SLC1A1: variants seen among roughly 807,000 people sequenced by gnomAD.
SLC1A1 encodes the protein excitatory amino acid transporter 3.
In SLC1A1, 43 loss-of-function variants were observed where a neutral mutation model predicts 53.3. That is an observed-to-expected ratio of 0.81 (90% confidence interval 0.63 to 1.04). The LOEUF is 1.04. SLC1A1 is among the 50% of genes least tolerant of loss of function. The pLI is 0.00. For synonymous variants in SLC1A1, 307 were observed against 243.2 expected (o/e 1.26, Z -2.44); for missense variants, 748 against 664.9 (o/e 1.12, Z -1.37).
intron 1 of SLC1A1, among the ~76,000 whole-genome samples, chr9:4,512,795 C>G (rs1821041545): frequency 6.6e-6 from 1 of 151,908 alleles, no homozygotes; most frequent in East Asian, 1.9e-4. Context: ...GACAGGGTCT[C>G]ACTCTGTCTC....
chr9:4,584,285 T>C (rs747377008), intron 11 of SLC1A1, among the ~76,000 whole-genome samples: 2 of 152,270 alleles, frequency 1.3e-5, no homozygotes, highest in Admixed American at 6.5e-5. Context: ...AGTAGCTAAC[T>C]GGGCTATAGG....
chr9:4,526,911 T>C (rs533402711), intron 1 of SLC1A1, among the ~76,000 whole-genome samples: 1 of 152,098 alleles, frequency 6.6e-6, no homozygotes, highest in Non-Finnish European at 1.5e-5. Flanking sequence ...CATTCATAAT[T>C]AGATTACATT....
chr9:4,523,370 G>A (rs1816152770), intron 1 of SLC1A1, among the ~76,000 whole-genome samples: 1 of 149,922 alleles, frequency 6.7e-6, no homozygotes, highest in South Asian at 2.1e-4. Flanking sequence ...TTTTCCACAT[G>A]CCATTTGTTC....
intron 1 of SLC1A1, among the ~76,000 whole-genome samples, chr9:4,494,388 G>A (rs1820341308): frequency 1.3e-5 from 2 of 152,026 alleles, no homozygotes; most frequent in South Asian, 2.1e-4. Flanking sequence ...TTATTTTAAG[G>A]TAAATCTGAA....
intron 1 of SLC1A1, among the ~76,000 whole-genome samples, chr9:4,534,558 A>T (rs1276663978): frequency 6.6e-6 from 1 of 152,164 alleles, no homozygotes; most frequent in Non-Finnish European, 1.5e-5. Context: ...TCTGAAATTG[A>T]GGCAATAATT....
intron 1 of SLC1A1, among the ~76,000 whole-genome samples, chr9:4,527,262 C>T (rs7849913): frequency 0.47 from 71,253 of 151,918 alleles, 17,204 homozygotes; most frequent in Non-Finnish European, 0.51. Context: ...TGACACCTTA[C>T]TGAAGCCTTG....
chr9:4,491,295 G>A (rs1312161493), intron 1 of SLC1A1, among the ~76,000 whole-genome samples: 10 of 152,170 alleles, frequency 6.6e-5, no homozygotes, highest in African/African-American at 2.4e-4. Flanking sequence ...CTCATCCTGG[G>A]CAGTGCGTGG....
rs796078212 is a variant in SLC1A1 at position 4,579,878 on chromosome 9, G to A, written c.1193+3115G>A. Among the ~76,000 whole-genome samples, 6 of 152,100 alleles carry A rather than the reference G, an allele frequency of 3.9e-5. 1 individual carries two copies. The highest frequency in any genetic ancestry group is 1.4e-4 in the African/African-American group (6 of 41,488). ...CAAAGGTTACAACGGATTGAAAATTGTGTGAGAATATGTGTCAAAATGGAA... is the reference window on the plus strand; with the variant it reads ...CAAAGGTTACAACGGATTGAAAATTATGTGAGAATATGTGTCAAAATGGAA... On this transcript the variant is annotated intron_variant, in intron 10 of 11. Transcript: ENST00000262352.
intron 1 of SLC1A1, among the ~76,000 whole-genome samples, chr9:4,532,682 G>A (rs968934894): frequency 6.6e-6 from 1 of 152,102 alleles, no homozygotes; most frequent in African/African-American, 2.4e-5. Flanking sequence ...AGCAAGTCAG[G>A]CCAACATTCA....
intron 1 of SLC1A1, among the ~76,000 whole-genome samples, chr9:4,507,368 A>G (rs1179680538): frequency 6.6e-6 from 1 of 152,208 alleles, no homozygotes; most frequent in Non-Finnish European, 1.5e-5. Flanking sequence ...TCATTTCTGG[A>G]CCTTTAATGT....
chr9:4,496,185 A>G (rs1820411531), intron 1 of SLC1A1, among the ~76,000 whole-genome samples: 1 of 152,090 alleles, frequency 6.6e-6, no homozygotes, highest in South Asian at 2.1e-4. Flanking sequence ...GAGAAACCGG[A>G]CGTGGTGTGA....
chr9:4,573,943 G>C lies in SLC1A1; in HGVS notation c.804G>C (p.Gly268=). Residue 268 remains glycine (G), a synonymous_variant, in exon 8 of 12, where the codon GGG becomes GGC. Transcript: ENST00000262352. ...TAGGTATTTTGTTCCTGATTGCTGG[G>C]AAGATCATAGAAGTTGAAGACTGGG... The part of the protein sequence containing the change: ...MPLGILFLIA[G]KIIEVEDWEI... The C allele has an allele frequency of 6.2e-7, 1 of 1,613,948 alleles. No homozygotes were observed. Among genetic ancestry groups the C allele is most frequent in the South Asian group, 1.1e-5 (1 of 91,088 alleles).
chr9:4,491,533 G>A (rs998262187), intron 1 of SLC1A1, among the ~76,000 whole-genome samples: 2 of 152,240 alleles, frequency 1.3e-5, no homozygotes, highest in African/African-American at 2.4e-5. Flanking sequence ...AAACAAGGGT[G>A]TATTTAAGTG....
intron 1 of SLC1A1, among the ~76,000 whole-genome samples, chr9:4,509,683 GA>G (rs1319406282): frequency 6.6e-6 from 1 of 152,190 alleles, no homozygotes; most frequent in Non-Finnish European, 1.5e-5. Flanking sequence ...CCAGTGCACA[GA>G]GCAGGACAAA....
chr9:4,561,755 G>C (rs1407841126), intron 3 of SLC1A1, among the ~76,000 whole-genome samples: 1 of 152,236 alleles, frequency 6.6e-6, no homozygotes, highest in Non-Finnish European at 1.5e-5. Context: ...GCCGGGTATG[G>C]TAACATGCGC....
At chr9:4,534,519 T>C (rs190585318) in intron 1 of SLC1A1, among the ~76,000 whole-genome samples, 39 of 152,026 alleles carry the variant, frequency 2.6e-4, no homozygotes, top group Non-Finnish European at 5.6e-4. Flanking sequence ...CAGCAAGAAG[T>C]TGAATCTCTG....
intron 8 of SLC1A1, among the ~76,000 whole-genome samples, 159 bp downstream of exon 8, chr9:4,574,173 A>C (rs1820332296): frequency 6.6e-6 from 1 of 152,144 alleles, no homozygotes; most frequent in Non-Finnish European, 1.5e-5. Context: ...GCTGCCCTTT[A>C]ACAGCTGTAC....
At chr9:4,582,201 C>A (rs1821161410) in intron 10 of SLC1A1, among the ~76,000 whole-genome samples, 1 of 152,264 alleles carries the variant, frequency 6.6e-6, no homozygotes, top group East Asian at 1.9e-4. Context: ...AGAGACTGCA[C>A]ATTACAAAGA....
intron 2 of SLC1A1, among the ~76,000 whole-genome samples, chr9:4,558,983 A>G (rs957522210): frequency 2.0e-5 from 3 of 152,246 alleles, no homozygotes; most frequent in African/African-American, 7.2e-5. Context: ...CTCTAAAATG[A>G]AACAGGCACA....
Sources: gnomAD v4.1 joint callset for allele counts (sites outside exome capture counted in the v4.1 genomes callset) on GRCh38, gnomAD v4.1.1 for gene constraint, MANE v1.5 for transcripts, NCBI Gene and HGNC (gene_info 2026-07-23, HGNC 2026-07-21) for gene names.